CEBPZOS: variants seen among roughly 807,000 people sequenced by gnomAD.
The protein encoded by CEBPZOS is protein CEBPZOS.
In CEBPZOS, 10 loss-of-function variants were observed where a neutral mutation model predicts 4.8. The ratio of observed to expected loss-of-function variants is 2.07; its 90% confidence interval spans 1.28 to 3.52. The LOEUF is 3.52. Among genes scored for constraint, CEBPZOS ranks in the 30% most tolerant of loss-of-function variants. The pLI is 0.00. For synonymous variants in CEBPZOS, 25 were observed against 14.2 expected, an observed-to-expected ratio of 1.77 and a Z score of -1.72; for missense variants, 98 against 43.6, an observed-to-expected ratio of 2.25 and a Z score of -3.51.
intron 4 of CEBPZOS, chr2:37,211,631 G>C (rs1677723213): frequency 2.1e-6 from 1 of 477,022 alleles, no homozygotes. Context: ...AAAGTCCAAA[G>C]CTCAAAAAGC....
intron 4 of CEBPZOS, chr2:37,212,326 G>C (rs997236083): frequency 1.2e-6 from 2 of 1,610,738 alleles, no homozygotes; most frequent in Non-Finnish European, 1.7e-6. Flanking sequence ...GAAGATAGAA[G>C]TATGTTACCC....
intron 1 of CEBPZOS, among the ~76,000 whole-genome samples, chr2:37,197,609 C>T (rs912013892): frequency 2.6e-5 from 4 of 152,174 alleles, no homozygotes; most frequent in Non-Finnish European, 5.9e-5. Context: ...TGGCGGCACA[C>T]GCCTGTAATA....
downstream of CEBPZOS, among the ~76,000 whole-genome samples, chr2:37,207,211 T>A (rs148073735): frequency 1.3e-5 from 2 of 152,290 alleles, no homozygotes; most frequent in East Asian, 3.9e-4. Flanking sequence ...AGTGGGTGAC[T>A]TCAATACTCC....
chr2:37,208,543 A>G (rs944534832), downstream of CEBPZOS, among the ~76,000 whole-genome samples: 3 of 152,206 alleles, frequency 2.0e-5, no homozygotes, highest in Admixed American at 2.0e-4. Flanking sequence ...AACAAAAATC[A>G]TATGATCATC....
At position 37,204,138 on chromosome 2, in the gene CEBPZOS, A is replaced by G. The variant is rs1342369608; in HGVS notation, c.*2278A>G. 6.6e-6 allele frequency: 1 copy of G among 151,968 alleles called. No homozygotes were observed. Among genetic ancestry groups the G allele is most frequent in the Admixed American group, 6.6e-5 (1 of 15,240 alleles). The allele number at this position is 151,968 out of a possible 1,614,324, so 9.4% of individuals were successfully genotyped here. ...CATTAGGAAGTTTTTTTTGGGTTTT[A>G]TTCATCCTGTAGTGATGTATCTGTG... On this transcript the variant is annotated 3_prime_UTR_variant, in exon 5 of 5. Coordinates refer to ENST00000402297, the MANE Select transcript of CEBPZOS (RefSeq NM_001322374.2).
intron 4 of CEBPZOS, chr2:37,212,052 AC>A (rs765393705): frequency 6.4e-7 from 1 of 1,571,124 alleles, no homozygotes; most frequent in South Asian, 1.2e-5. Flanking sequence ...GGAAAAAAAC[AC>A]AACTTGTAAT....
downstream of CEBPZOS, chr2:37,215,000 T>C (rs1378935906): frequency 8.4e-7 from 1 of 1,195,342 alleles, no homozygotes; most frequent in East Asian, 2.3e-5. Flanking sequence ...CAATCCCCTT[T>C]ATGTTACTCA....
At chr2:37,198,835 G>C (rs1037854986) in intron 1 of CEBPZOS, among the ~76,000 whole-genome samples, 1 of 152,046 alleles carries the variant, frequency 6.6e-6, no homozygotes, top group African/African-American at 2.4e-5. Flanking sequence ...TCCATCCCCT[G>C]CCCCCATTTG....
rs1677238809 is a variant in CEBPZOS at position 37,201,625 on chromosome 2, G to C, written c.161-17G>C. 2 of 698,928 alleles carry C rather than the reference G, an allele frequency of 2.9e-6. No homozygotes were observed. Among genetic ancestry groups the C allele is most frequent in the Admixed American group, 2.5e-5 (1 of 39,812 alleles). The allele number at this position is 698,928 out of a possible 1,614,324, so 43.3% of individuals were successfully genotyped here. On this transcript the variant is annotated splice_polypyrimidine_tract_variant and intron_variant, in intron 3 of 4. Transcript: ENST00000402297. ...CTTCCACATGACTTTATAAATGAGA[G>C]CTATTTTTATTTATAGTTTATTACA... is the stretch of plus-strand genomic sequence containing the variant.
chr2:37,198,917 G>T (rs1677078534), intron 1 of CEBPZOS, among the ~76,000 whole-genome samples: 1 of 152,160 alleles, frequency 6.6e-6, no homozygotes, highest in Non-Finnish European at 1.5e-5. Context: ...ACTTTGGGAG[G>T]CTGAGGTGGG....
downstream of CEBPZOS, among the ~76,000 whole-genome samples, chr2:37,205,990 T>G (rs1677526803): frequency 6.6e-6 from 1 of 152,218 alleles, no homozygotes; most frequent in Admixed American, 6.5e-5. Context: ...AATGCAAGGC[T>G]TTTATAATTG....
intron 2 of CEBPZOS, 118 bp from the exon 3 acceptor site, chr2:37,200,930 A>G: frequency 1.6e-6 from 1 of 607,526 alleles, no homozygotes; most frequent in South Asian, 2.1e-5. Context: ...CTTCAAACAA[A>G]TTTCTAATCT....
At chr2:37,204,916 C>T (rs1215093817), downstream of CEBPZOS, among the ~76,000 whole-genome samples, 2 of 152,060 alleles carry the variant, frequency 1.3e-5, no homozygotes, top group South Asian at 2.1e-4. Context: ...TTTTCTTCTC[C>T]TCAAATTCCT....
At chr2:37,212,297 G>C in intron 4 of CEBPZOS, 11 of 1,569,760 alleles carry the variant, frequency 7.0e-6, no homozygotes, top group Non-Finnish European at 9.6e-6. Context: ...TTTGGGAAAT[G>C]CTAGAAAAAT....
At chr2:37,213,815 T>C (rs200446464), downstream of CEBPZOS, 7 of 1,260,842 alleles carry the variant, frequency 5.6e-6, no homozygotes, top group East Asian at 1.7e-4. Flanking sequence ...CATGGTCTAT[T>C]AACACATAGT....
In CEBPZOS at chr2:37,201,528, C is replaced by CT. The variant is rs1198544766; in HGVS notation, c.161-109dup. 6.5e-6 allele frequency: 4 copies of CT among 610,920 alleles called. No homozygotes were observed. In the East Asian group the frequency reaches 1.1e-4, roughly 17 times the overall value. 37.8% of individuals were successfully genotyped at this position (610,920 alleles called of 1,614,324 possible). On this transcript the variant is annotated intron_variant, in intron 3 of 4. Transcript: ENST00000402297. ...GTGAAGTCTGTAATCCTACTGTCCT[C>CT]TTTTTCATTTTGTTATGTAGCAATA...
At chr2:37,212,963 CAGA>C (rs1260875073) in intron 4 of CEBPZOS, among the ~76,000 whole-genome samples, 1 of 151,818 alleles carries the variant, frequency 6.6e-6, no homozygotes, top group Admixed American at 6.6e-5. Context: ...CGCCTGAGCC[CAGA>C]AGGTCTAGGC....
At chr2:37,211,993 C>T (rs757594264) in intron 4 of CEBPZOS, 3 of 1,610,972 alleles carry the variant, frequency 1.9e-6, no homozygotes, top group Non-Finnish European at 2.5e-6. Flanking sequence ...TCTGAATCTT[C>T]ATCTAATGTG....
Position 37,203,080 on chromosome 2 carries a change from A to T in CEBPZOS, c.*1220A>T. ...TTTTAGAAAAATGCAATGCAACATGATTTTATTTTAAAAATTATACTTGGG... is the reference window on the plus strand; with the variant it reads ...TTTTAGAAAAATGCAATGCAACATGTTTTTATTTTAAAAATTATACTTGGG... On this transcript the variant is annotated 3_prime_UTR_variant, in exon 5 of 5. Coordinates refer to ENST00000402297, the MANE Select transcript of CEBPZOS (RefSeq NM_001322374.2). 9.7e-7 allele frequency: 1 copy of T among 1,026,494 alleles called. No individual in the cohort carries two copies. The highest frequency in any genetic ancestry group is 1.8e-5 in the South Asian group (1 of 56,802). The allele number at this position is 1,026,494 out of a possible 1,614,324, so 63.6% of individuals were successfully genotyped here.
Sources: gnomAD v4.1 joint callset for allele counts (sites outside exome capture counted in the v4.1 genomes callset) on GRCh38, gnomAD v4.1.1 for gene constraint, MANE v1.5 for transcripts, NCBI Gene and HGNC (gene_info 2026-07-23, HGNC 2026-07-21) for gene names.